Variants in RUBCNL observed in about 807,000 individuals in gnomAD.
The protein encoded by RUBCNL is protein associated with UVRAG as autophagy enhancer.
RUBCNL carries 62 observed loss-of-function variants against 69.5 expected under a neutral mutation model. That is an observed-to-expected ratio of 0.89 (90% confidence interval 0.73 to 1.10). The LOEUF is 1.10. Ranked by LOEUF, RUBCNL falls within the 50% of genes least tolerant of loss-of-function variation. The pLI, the probability that RUBCNL is intolerant of heterozygous loss-of-function variation, is 0.00. For synonymous variants in RUBCNL, 291 were observed against 303.6 expected, an observed-to-expected ratio of 0.96 and a Z score of 0.43; for missense variants, 768 against 798.1, an observed-to-expected ratio of 0.96 and a Z score of 0.45.
chr13:46,385,215 A>G, intron 1 of RUBCNL: 1 of 898,236 alleles, frequency 1.1e-6, no homozygotes, highest in Non-Finnish European at 1.3e-6. Flanking sequence ...TATTGCAGAA[A>G]GACTTTCAGT....
chr13:46,374,696 A>G (rs2048951062), intron 2 of RUBCNL: 2 of 152,214 alleles, frequency 1.3e-5, no homozygotes, highest in Admixed American at 1.3e-4. Context: ...TTCCCATCAA[A>G]TCTGGAATAA....
intron 2 of RUBCNL, among the ~76,000 whole-genome samples, chr13:46,373,376 T>C (rs1242802078): frequency 1.1e-4 from 16 of 152,250 alleles, no homozygotes; most frequent in Non-Finnish European, 2.9e-5. Flanking sequence ...CTGAAGACTT[T>C]GCTTCATGTA....
chr13:46,362,958 A>ATATATATATATATATATC (rs2048660967), intron 6 of RUBCNL, among the ~76,000 whole-genome samples, 157 bp downstream of exon 6: 1 of 76,344 alleles, frequency 1.3e-5, no homozygotes, highest in Non-Finnish European at 2.5e-5. Context: ...ATATATATAT[A>ATATATATATATATATATC]TATATATATA....
chr13:46,375,820 C>T (rs749609180), intron 2 of RUBCNL, among the ~76,000 whole-genome samples: 3 of 152,146 alleles, frequency 2.0e-5, no homozygotes, highest in Middle Eastern at 3.2e-3. Flanking sequence ...CACACACACC[C>T]ACACAGTTGA....
intron 2 of RUBCNL, among the ~76,000 whole-genome samples, chr13:46,375,827 T>C (rs943262018): frequency 6.6e-6 from 1 of 152,180 alleles, no homozygotes; most frequent in African/African-American, 2.4e-5. Context: ...ACCCACACAG[T>C]TGACCCTTGA....
At chr13:46,354,510 C>T (rs1478001049) in intron 10 of RUBCNL, among the ~76,000 whole-genome samples, 2 of 152,220 alleles carry the variant, frequency 1.3e-5, no homozygotes, top group Non-Finnish European at 2.9e-5. Context: ...TCTATGCTGT[C>T]TACAATCTGG....
chr13:46,354,437 A>T (rs1265566592), intron 10 of RUBCNL, among the ~76,000 whole-genome samples: 1 of 152,190 alleles, frequency 6.6e-6, no homozygotes, highest in Non-Finnish European at 1.5e-5. Flanking sequence ...TCTCAAAGAC[A>T]AAAGTTAAAA....
rs181312671 is a variant in RUBCNL at position 46,347,373 on chromosome 13, C to T, written c.1632-1773G>A. 2.9e-4 allele frequency among the ~76,000 whole-genome samples: 44 copies of T among 152,172 alleles called. 2 individuals are homozygous for T. Among genetic ancestry groups the T allele is most frequent in the African/African-American group, 7.7e-4 (32 of 41,530 alleles). The stretch of plus-strand genomic sequence containing the variant: ...AGTGAGCCAAGACTGTACCACTGCA[C>T]GCCAAACTGGGTGACAGAGCTAGAC... On this transcript the variant is annotated intron_variant, in intron 12 of 14. Transcript: ENST00000429979.
chr13:46,344,747 ATCT>A lies in RUBCNL; in HGVS notation c.1867_1869del (p.Arg623del). 6.2e-7 allele frequency: 1 copy of A among 1,602,658 alleles called. No individual in the cohort carries two copies. The highest frequency in any genetic ancestry group is 1.1e-5 in the South Asian group (1 of 89,620). On this transcript the variant is annotated inframe_deletion, in exon 14 of 15. Coordinates refer to ENST00000429979, the MANE Select transcript of RUBCNL (RefSeq NM_025113.5). The stretch of plus-strand genomic sequence containing the variant: ...TTATTAAGTTATTAAATACCTGAAC[ATCT>A]TCTACATGTTGCTGTCTGAAATGGG...
chr13:46,385,666 C>CAA (rs5803337), intron 1 of RUBCNL, among the ~76,000 whole-genome samples: 4,160 of 119,064 alleles, frequency 0.035, 185 homozygotes, highest in African/African-American at 0.11. Context: ...AAAGATCATG[C>CAA]AAAAAAAAAA....
chr13:46,387,354 GAAGCA>G (rs1052278768), upstream of RUBCNL: 78 of 985,390 alleles, frequency 7.9e-5, no homozygotes, highest in Non-Finnish European at 8.9e-5. Flanking sequence ...GCTCCTCAGG[GAAGCA>G]AAGCGCCGTT....
intron 12 of RUBCNL, 129 bp from the exon 13 acceptor site, chr13:46,345,729 C>T (rs2048233276): frequency 1.3e-5 from 12 of 904,374 alleles, no homozygotes; most frequent in Non-Finnish European, 1.8e-5. Flanking sequence ...AAATAAATAG[C>T]TCCAAGAACA....
At chr13:46,387,301 C>T, upstream of RUBCNL, 1 of 985,534 alleles carries the variant, frequency 1.0e-6, no homozygotes, top group Non-Finnish European at 1.2e-6. Context: ...GACGCCGCCA[C>T]GCCCCCCGCC....
intron 2 of RUBCNL, 87 bp downstream of exon 2, chr13:46,377,803 A>G: frequency 1.5e-6 from 1 of 672,528 alleles, no homozygotes; most frequent in South Asian, 2.1e-5. Flanking sequence ...GAGAGTTAGA[A>G]TAGGCCCATA....
In RUBCNL at chr13:46,343,121, T is replaced by C; in HGVS notation, c.*264A>G. On this transcript the variant is annotated 3_prime_UTR_variant, in exon 15 of 15. Transcript: ENST00000429979. ...CATCAGTGAAACATAACTATTCAAA[T>C]ACAAAAGTATAAAAAACCTCTTTAA... 1.9e-6 allele frequency: 1 copy of C among 536,106 alleles called. No individual in the cohort carries two copies. The highest frequency in any genetic ancestry group is 3.2e-6 in the Non-Finnish European group (1 of 308,002). The allele number at this position is 536,106 out of a possible 1,614,324, so 33.2% of individuals were successfully genotyped here. A position where few individuals can be genotyped will look rare whatever the true frequency, so the allele number is the denominator to read the frequency against.
chr13:46,336,639 G>A lies in RUBCNL; in HGVS notation c.*6746C>T, dbSNP rs2048106839. Among the ~76,000 whole-genome samples, 1 of 152,060 alleles carries A rather than the reference G, an allele frequency of 6.6e-6. No individual in the cohort carries two copies. The highest frequency in any genetic ancestry group is 2.4e-5 in the African/African-American group (1 of 41,418). ...GAATGCAAGCAACTGTGGTAGAGAG[G>A]TAGGTGAAGACAATACAGTGACTAC... On this transcript the variant is annotated 3_prime_UTR_variant, in exon 15 of 15. Transcript: ENST00000429979.
At chr13:46,380,401 G>A (rs944546600) in intron 1 of RUBCNL, among the ~76,000 whole-genome samples, 1 of 152,112 alleles carries the variant, frequency 6.6e-6, no homozygotes, top group African/African-American at 2.4e-5. Flanking sequence ...GACCATTAGG[G>A]GACTTACCCA....
In RUBCNL at chr13:46,335,263, T is replaced by TTC. The variant is rs1397534806; in HGVS notation, c.*8121_*8122insGA. Among the ~76,000 whole-genome samples the TTC allele has an allele frequency of 1.1e-5, 1 of 92,078 alleles. No homozygotes were observed. The highest frequency in any genetic ancestry group is 1.2e-4 in the Admixed American group (1 of 8,274). 60.4% of individuals were successfully genotyped at this position (92,078 alleles called of 152,430 possible). On this transcript the variant is annotated 3_prime_UTR_variant, in exon 15 of 15. Transcript: ENST00000429979. Reference sequence around the variant, plus strand: ...TCTTTTTGTTGTTGTTGTTGTTGTTTTTTTTTTTTTTTTTTTTTTTTTAAG... The same window carrying TTC: ...TCTTTTTGTTGTTGTTGTTGTTGTTTTCTTTTTTTTTTTTTTTTTTTTTTAAG...
At chr13:46,345,081 G>A (rs1469596871) in intron 13 of RUBCNL, among the ~76,000 whole-genome samples, 1 of 152,196 alleles carries the variant, frequency 6.6e-6, no homozygotes, top group Non-Finnish European at 1.5e-5. Flanking sequence ...CATGCACTCT[G>A]AAATGATCTA....
Sources: allele counts gnomAD v4.1 joint callset (sites outside exome capture counted in the v4.1 genomes callset), GRCh38; gene constraint gnomAD v4.1.1; transcripts MANE v1.5; gene names NCBI Gene and HGNC (gene_info 2026-07-23, HGNC 2026-07-21).